HDAC6: variants seen among roughly 807,000 people sequenced by gnomAD.
The protein encoded by HDAC6 is protein deacetylase HDAC6.
Under a neutral mutation model 88.9 loss-of-function variants are expected in HDAC6, and 5 were observed. The ratio of observed to expected loss-of-function variants is 0.06; its 90% confidence interval spans 0.03 to 0.12. The LOEUF (loss-of-function observed/expected upper bound fraction) is 0.12. Among genes scored for constraint, HDAC6 ranks in the 10% least tolerant of loss-of-function variants. HDAC6 has a pLI of 1.00. For missense variants in HDAC6, 706 were observed against 1,014.4 expected (o/e 0.70, Z 4.13); for synonymous variants, 378 against 398.0 (o/e 0.95, Z 0.60).
chrX:48,824,316 C>T (rs374838428), intron 28 of HDAC6, 22 bp downstream of exon 28: 37 of 1,197,387 alleles, frequency 3.1e-5, no homozygotes, highest in East Asian at 1.5e-4. Flanking sequence ...GTAGACCCTT[C>T]GACACGTGCA....
chrX:48,806,865 AC>A, intron 8 of HDAC6, 159 bp downstream of exon 8: 1 of 393,159 alleles, frequency 2.5e-6, no homozygotes, highest in Non-Finnish European at 4.4e-6. Flanking sequence ...TCACCCAGAC[AC>A]CTGCCTCCTC....
intron 15 of HDAC6, 24 bp from the exon 16 acceptor site, chrX:48,815,551 T>C (rs782737021): frequency 8.3e-7 from 1 of 1,206,446 alleles, no homozygotes; most frequent in South Asian, 1.8e-5. Context: ...TTCCTTGACA[T>C]CATATTTTCT....
chrX:48,802,032 A>G, upstream of HDAC6: 3 of 936,596 alleles, frequency 3.2e-6, no homozygotes, highest in Non-Finnish European at 1.4e-6. Context: ...GGTTAGCGAA[A>G]CGTTAGCGGT....
upstream of HDAC6, chrX:48,802,058 G>A: frequency 1.1e-6 from 1 of 911,523 alleles, no homozygotes; most frequent in Non-Finnish European, 1.4e-6. Context: ...CTGGGCAGGG[G>A]GTGGAGCTGG....
upstream of HDAC6, chrX:48,801,681 T>A: frequency 3.4e-6 from 1 of 295,892 alleles, no homozygotes; most frequent in Non-Finnish European, 5.7e-6. Flanking sequence ...GCCTGTGAGC[T>A]CGCGGTGTGG....
At position 48,816,125 on chromosome X, in the gene HDAC6, G is replaced by C. The variant is rs781906565; in HGVS notation, c.1494-16G>C. ...CTCAGGCACTAAGCCTCTACCTCTC[G>C]TTTCCCCACTGCTAGCCACCACCCT... On this transcript the variant is annotated splice_polypyrimidine_tract_variant and intron_variant, in intron 17 of 28. Coordinates refer to ENST00000334136, the MANE Select transcript of HDAC6 (RefSeq NM_006044.4). The C allele has an allele frequency of 1.2e-5, 15 of 1,209,406 alleles. No homozygotes were observed. The highest frequency in any genetic ancestry group is 1.0e-5 in the Non-Finnish European group (9 of 894,813).
chrX:48,816,792 A>T, intron 19 of HDAC6, 159 bp downstream of exon 19: 1 of 470,811 alleles, frequency 2.1e-6, no homozygotes, highest in Non-Finnish European at 3.5e-6. Flanking sequence ...TGGGGGAATA[A>T]TGGAAGGAAC....
At position 48,824,653 on chromosome X, in the gene HDAC6, A is replaced by G. The variant is rs782514523; in HGVS notation, c.*41A>G. 19 of 1,196,367 alleles carry G rather than the reference A, an allele frequency of 1.6e-5. No homozygotes were observed. In the East Asian group the frequency reaches 5.1e-4, roughly 32 times the overall value. On this transcript the variant is annotated 3_prime_UTR_variant, in exon 29 of 29. Coordinates refer to ENST00000334136, the MANE Select transcript of HDAC6 (RefSeq NM_006044.4). The stretch of plus-strand genomic sequence containing the variant: ...CCCTCTTCACCTTCTGAGGCCCACG[A>G]TAGACCAGCTGTAGCTCATTCCAGC...
intron 1 of HDAC6, chrX:48,802,368 C>T: frequency 1.1e-6 from 1 of 888,237 alleles, no homozygotes; most frequent in Non-Finnish European, 1.4e-6. Flanking sequence ...AAGGGCAGGC[C>T]CTAAGACGGA....
intron 6 of HDAC6, 167 bp downstream of exon 6, chrX:48,805,838 CAT>C: frequency 2.2e-6 from 1 of 462,913 alleles, no homozygotes; most frequent in Non-Finnish European, 3.8e-6. Flanking sequence ...GACCAGTAAA[CAT>C]AAGTTCCTCA....
At chrX:48,803,596 C>G (rs943130655) in intron 4 of HDAC6, among the ~76,000 whole-genome samples, 1 of 111,917 alleles carries the variant, frequency 8.9e-6, no homozygotes, top group African/African-American at 3.3e-5. Context: ...TTCCCAGAAG[C>G]CTTTATAGAG....
At chrX:48,805,388 G>A in intron 4 of HDAC6, 50 bp from the exon 5 acceptor site, 1 of 946,418 alleles carries the variant, frequency 1.1e-6, no homozygotes, top group Non-Finnish European at 1.5e-6. Flanking sequence ...AACAGATGTG[G>A]AGCTCCCCAG....
At position 48,817,944 on chromosome X, in the gene HDAC6, C is replaced by T. The variant is rs1333403437; in HGVS notation, c.1926-97C>T. ...ACTGATAGGACCCAGGGTCCTGCCA[C>T]TCAGCACTAAATGCCCCTGCAGACC... On this transcript the variant is annotated intron_variant, in intron 20 of 28. Coordinates refer to ENST00000334136, the MANE Select transcript of HDAC6 (RefSeq NM_006044.4). 4 of 781,699 alleles carry T rather than the reference C, an allele frequency of 5.1e-6. No individual in the cohort carries two copies. The African/African-American group carries it at 6.2e-5, about 12-fold the overall frequency. The allele number at this position is 781,699 out of a possible 1,213,427, so 64.4% of individuals were successfully genotyped here.
At chrX:48,805,895 A>G (rs1438026213) in intron 6 of HDAC6, 5 of 437,657 alleles carry the variant, frequency 1.1e-5, no homozygotes, top group Non-Finnish European at 1.6e-5. Context: ...GGCCTGATAT[A>G]TAATCAGCCC....
At chrX:48,814,935 C>T (rs1248380954) in intron 13 of HDAC6, 27 bp from the exon 14 acceptor site, 1 of 1,208,247 alleles carries the variant, frequency 8.3e-7, no homozygotes, top group East Asian at 3.0e-5. Context: ...TTGCATGGAG[C>T]CAGGCTGACC....
chrX:48,818,512 C>T, intron 22 of HDAC6, 100 bp downstream of exon 22: 1 of 704,773 alleles, frequency 1.4e-6, no homozygotes, highest in South Asian at 2.9e-5. Flanking sequence ...TACCATGTGG[C>T]TGATGATATG....
In HDAC6 at chrX:48,802,112, A is replaced by C; in HGVS notation, c.-61A>C. On this transcript the variant is annotated 5_prime_UTR_variant, in exon 1 of 29. Coordinates refer to ENST00000334136, the MANE Select transcript of HDAC6 (RefSeq NM_006044.4). ...CCCCTGAGGAGCGGGGCTGGTTGAA[A>C]CGCTAGGGGCGGGATCTGGCGGAGT... The C allele has an allele frequency of 1.1e-6, 1 of 877,082 alleles. No individual in the cohort carries two copies. The highest frequency in any genetic ancestry group is 1.4e-6 in the Non-Finnish European group (1 of 711,689). The allele number at this position is 877,082 out of a possible 1,213,427, so 72.3% of individuals were successfully genotyped here.
chrX:48,823,019 G>A lies in HDAC6; in HGVS notation c.2620G>A (p.Val874Ile). 8.3e-7 allele frequency: 1 copy of A among 1,211,525 alleles called. No homozygotes were observed. The highest frequency in any genetic ancestry group is 1.1e-6 in the Non-Finnish European group (1 of 895,391). ...AERMTTREKK[V>I]LEAGMGKVTS... ...GCGGATGACCACACGAGAAAAGAAGGTTCTGGAAGCAGGCATGGGGAAAGT... is the reference window on the plus strand; with the variant it reads ...GCGGATGACCACACGAGAAAAGAAGATTCTGGAAGCAGGCATGGGGAAAGT... Residue 874 changes from valine (V) to isoleucine (I), a missense_variant, in exon 25 of 29, where the codon GTT (valine) becomes ATT (isoleucine). Physicochemically the swap from Val to Ile is conservative, Grantham distance 29 (BLOSUM62 3). This residue lies in a region of HDAC6 where 89 missense variants were observed against 90.9 expected (regional missense o/e 0.98). Transcript: ENST00000334136.
At position 48,818,574 on chromosome X, in the gene HDAC6, T is replaced by G. The variant is rs184587453; in HGVS notation, c.2187+162T>G. Among the ~76,000 whole-genome samples, 77 of 112,440 alleles carry G rather than the reference T, an allele frequency of 6.8e-4. 2 individuals carry two copies. Among genetic ancestry groups the G allele is most frequent in the Admixed American group, 6.8e-3 (72 of 10,663 alleles). On this transcript the variant is annotated intron_variant, in intron 22 of 28. Transcript: ENST00000334136. ...CTACCAGGGCAGTTGGTGGCTGTGA[T>G]CACCTTGTGTATTTGTGCACAGATG...
Sources: gnomAD v4.1 joint callset for allele counts (sites outside exome capture counted in the v4.1 genomes callset) on GRCh38, gnomAD v4.1.1 for gene constraint, gnomAD v4.1.1 regional missense constraint, MANE v1.5 for transcripts, NCBI Gene and HGNC (gene_info 2026-07-23, HGNC 2026-07-21) for gene names.